RTN3: variants seen among roughly 807,000 people sequenced by gnomAD.
RTN3 encodes the protein reticulon-3.
RTN3 carries 49 observed loss-of-function variants against 77.8 expected under a neutral mutation model. The ratio of observed to expected loss-of-function variants is 0.63; its 90% confidence interval spans 0.50 to 0.80. RTN3 has a LOEUF of 0.80. RTN3 is among the 30% of genes least tolerant of loss of function. The pLI is 0.00. For missense variants in RTN3, 1,236 were observed against 1,211.9 expected, an observed-to-expected ratio of 1.02 and a Z score of -0.29; for synonymous variants, 464 against 446.9, an observed-to-expected ratio of 1.04 and a Z score of -0.48.
chr11:63,699,927 T>C (rs1942152283), intron 1 of RTN3, among the ~76,000 whole-genome samples: 1 of 152,234 alleles, frequency 6.6e-6, no homozygotes, highest in Non-Finnish European at 1.5e-5. Flanking sequence ...ATTAAGATCA[T>C]TCTGGGGTTC....
chr11:63,752,228 A>AT (rs530888833), intron 4 of RTN3, among the ~76,000 whole-genome samples: 84 of 151,476 alleles, frequency 5.5e-4, no homozygotes, highest in Middle Eastern at 3.5e-3. Flanking sequence ...TTATAAATGG[A>AT]TTTACCTTCA....
intron 7 of RTN3, 46 bp from the exon 8 acceptor site, chr11:63,756,066 G>C: frequency 7.3e-7 from 1 of 1,363,780 alleles, no homozygotes; most frequent in East Asian, 2.3e-5. Flanking sequence ...AGGAAAATTG[G>C]TGATCTGTAT....
intron 3 of RTN3, among the ~76,000 whole-genome samples, chr11:63,744,594 T>C (rs1324177886): frequency 1.3e-5 from 2 of 152,204 alleles, no homozygotes; most frequent in Non-Finnish European, 2.9e-5. Context: ...TCTAATCTTA[T>C]GGGACTACAG....
chr11:63,730,124 G>A (rs1565329972), intron 3 of RTN3, among the ~76,000 whole-genome samples: 2 of 151,840 alleles, frequency 1.3e-5, no homozygotes, highest in African/African-American at 4.8e-5. Context: ...TCACCACCAC[G>A]CCTGGCTTAT....
intron 3 of RTN3, among the ~76,000 whole-genome samples, chr11:63,733,920 G>A (rs145869633): frequency 0.014 from 2,139 of 151,518 alleles, 24 homozygotes; most frequent in Non-Finnish European, 0.023. Flanking sequence ...ACATACATAC[G>A]TATGTATATA....
Position 63,681,634 on chromosome 11 carries a change from G to C in RTN3, c.-3G>C. ...CCCTTCTCCCACCCTCGCTCGCGTA[G>C]CCATGGCGGAGCCGTCGGCGGCCAC... On this transcript the variant is annotated 5_prime_UTR_variant, in exon 1 of 9. Coordinates refer to ENST00000377819, the MANE Select transcript of RTN3 (RefSeq NM_001265589.2). The C allele has an allele frequency of 6.3e-7, 1 of 1,587,714 alleles. No individual in the cohort carries two copies. Among genetic ancestry groups the C allele is most frequent in the Non-Finnish European group, 8.6e-7 (1 of 1,165,074 alleles).
intron 7 of RTN3, among the ~76,000 whole-genome samples, chr11:63,754,139 G>A (rs1323019667): frequency 4.0e-5 from 6 of 151,766 alleles, no homozygotes; most frequent in Admixed American, 3.3e-4. Context: ...AAAAATAGCC[G>A]GATGCAGTGG....
intron 3 of RTN3, among the ~76,000 whole-genome samples, chr11:63,728,886 CAAAAAAAAAAA>C (rs577443067): frequency 1.3e-5 from 1 of 78,680 alleles, no homozygotes; most frequent in Non-Finnish European, 2.6e-5. Context: ...GACTCCGTCT[CAAAAAAAAAAA>C]AAAAAGAAAA....
intron 3 of RTN3, 140 bp downstream of exon 3, chr11:63,721,172 C>A: frequency 3.0e-6 from 2 of 673,612 alleles, no homozygotes; most frequent in African/African-American, 1.8e-5. Flanking sequence ...ATGGGAAAGG[C>A]AGATTCTTCT....
chr11:63,702,692 GTT>G (rs111756056), intron 1 of RTN3, among the ~76,000 whole-genome samples: 1 of 135,710 alleles, frequency 7.4e-6, no homozygotes. Flanking sequence ...TTGTTTTTTT[GTT>G]TTTTTTTTTG....
At chr11:63,710,565 C>A (rs1367237853) in intron 2 of RTN3, among the ~76,000 whole-genome samples, 1 of 152,152 alleles carries the variant, frequency 6.6e-6, no homozygotes, top group Non-Finnish European at 1.5e-5. Flanking sequence ...ACCGCTCCTG[C>A]TGTATGCCTT....
intron 3 of RTN3, among the ~76,000 whole-genome samples, chr11:63,742,443 C>T (rs536748322): frequency 1.1e-3 from 166 of 151,640 alleles, no homozygotes; most frequent in African/African-American, 3.9e-3. Context: ...GTCAGGAGTT[C>T]GAGACCAGCC....
intron 3 of RTN3, among the ~76,000 whole-genome samples, chr11:63,734,707 G>A (rs2012944870): frequency 6.6e-6 from 1 of 150,810 alleles, no homozygotes; most frequent in Non-Finnish European, 1.5e-5. Flanking sequence ...ACTCCAGCCT[G>A]GGTGATAGAG....
intron 3 of RTN3, among the ~76,000 whole-genome samples, chr11:63,728,099 G>A (rs1182478895): frequency 2.0e-5 from 3 of 152,178 alleles, no homozygotes; most frequent in African/African-American, 7.2e-5. Context: ...TTGGCCAGAG[G>A]AAAAGACACA....
At chr11:63,700,523 G>A (rs1942184741) in intron 1 of RTN3, among the ~76,000 whole-genome samples, 1 of 151,232 alleles carries the variant, frequency 6.6e-6, no homozygotes, top group African/African-American at 2.4e-5. Flanking sequence ...GGCGCAAGCG[G>A]TCCACCTGCC....
intron 2 of RTN3, among the ~76,000 whole-genome samples, chr11:63,705,850 A>G (rs1942469356): frequency 6.6e-6 from 1 of 152,218 alleles, no homozygotes; most frequent in Admixed American, 6.5e-5. Flanking sequence ...TGGAGGCAAC[A>G]TTGCCAAGAA....
At chr11:63,705,344 G>C (rs147780265) in intron 2 of RTN3, among the ~76,000 whole-genome samples, 106 of 152,272 alleles carry the variant, frequency 7.0e-4, no homozygotes, top group Non-Finnish European at 1.4e-3. Flanking sequence ...CCGGGCATAG[G>C]TGGTGCATGC....
intron 1 of RTN3, among the ~76,000 whole-genome samples, chr11:63,701,964 A>AT (rs1250589305): frequency 2.0e-5 from 3 of 152,066 alleles, no homozygotes; most frequent in Non-Finnish European, 4.4e-5. Flanking sequence ...GGAAAGGACA[A>AT]TTTTTTAATT....
At chr11:63,723,880 T>C (rs547760196) in intron 3 of RTN3, among the ~76,000 whole-genome samples, 66 of 152,360 alleles carry the variant, frequency 4.3e-4, no homozygotes, top group African/African-American at 1.5e-3. Context: ...TGCTATTTTA[T>C]GGTATATTAT....
Sources: gnomAD v4.1 joint callset for allele counts (sites outside exome capture counted in the v4.1 genomes callset) on GRCh38, gnomAD v4.1.1 for gene constraint, MANE v1.5 for transcripts, NCBI Gene and HGNC (gene_info 2026-07-23, HGNC 2026-07-21) for gene names.